The following CD33 variants were observed in gnomAD, a reference collection of about 807,000 sequenced individuals.
CD33 encodes the protein CD33 molecule.
Under a neutral mutation model 31.4 loss-of-function variants are expected in CD33, and 25 were observed. The observed-to-expected ratio is 0.80, with a 90% CI of 0.58 to 1.11. The LOEUF (loss-of-function observed/expected upper bound fraction) is 1.11, where lower values mean the gene tolerates loss of function less well. Among genes scored for constraint, CD33 ranks in the 50% most tolerant of loss-of-function variants. The pLI is 0.00. For synonymous variants in CD33, 176 were observed against 180.6 expected (o/e 0.97, Z 0.20); for missense variants, 407 against 448.1 (o/e 0.91, Z 0.83).
the CD33 span, chr19:51,211,583 T>G: frequency 1.3e-6 from 2 of 1,505,504 alleles, no homozygotes; most frequent in Non-Finnish European, 1.8e-6. Context: ...TCTGTGCATG[T>G]GACAGGTGAG....
chr19:51,223,180 G>A (rs114908382), upstream of CD33, among the ~76,000 whole-genome samples: 539 of 151,878 alleles, frequency 3.5e-3, no homozygotes, highest in African/African-American at 0.011. Flanking sequence ...TGGTCAGGCC[G>A]GTGCACTCCA....
chr19:51,211,683 G>C, the CD33 span: 1 of 979,784 alleles, frequency 1.0e-6, no homozygotes, highest in Admixed American at 2.3e-5. Flanking sequence ...AGGGGGTTGG[G>C]AATGAAGCCT....
At position 51,235,402 on chromosome 19, in the gene CD33, G is replaced by A; in HGVS notation, c.842+149G>A. 5.8e-6 allele frequency: 7 copies of A among 1,215,868 alleles called. No homozygotes were observed. The South Asian group carries it at 1.0e-4, about 18-fold the overall frequency. 75.3% of individuals were successfully genotyped at this position (1,215,868 alleles called of 1,614,324 possible). A position where few individuals can be genotyped will look rare whatever the true frequency, so the allele number is the denominator to read the frequency against. On this transcript the variant is annotated intron_variant, in intron 5 of 6. Coordinates refer to ENST00000262262, the MANE Select transcript of CD33 (RefSeq NM_001772.4). ...AGCCTGTGGCCACTGGGATAGGCGT[G>A]GGTCTATTCCAGGGCCCTGATCTCA...
Position 51,225,536 on chromosome 19 carries a change from G to A in CD33, c.356G>A (p.Arg119Gln), listed in dbSNP as rs377323798. The A allele has an allele frequency of 4.4e-5, 71 of 1,598,626 alleles. No individual in the cohort carries two copies. Among genetic ancestry groups the A allele is most frequent in the South Asian group, 5.6e-5 (5 of 88,554 alleles). The change falls in exon 2 of 7, where the codon CGG becomes CAG. Residue 119 changes from arginine to glutamine, a missense_variant. Coordinates refer to ENST00000262262, the MANE Select transcript of CD33 (RefSeq NM_001772.4). ...RRRDNGSYFF[R>Q]MERGSTKYSY... ...AGGGATAATGGTTCATACTTCTTTC[G>A]GATGGAGAGAGGAAGTACCAAATAC...
At chr19:51,222,348 A>G (rs1238190714), upstream of CD33, among the ~76,000 whole-genome samples, 1 of 152,202 alleles carries the variant, frequency 6.6e-6, no homozygotes, top group East Asian at 1.9e-4. Flanking sequence ...ATTCCTACTA[A>G]GGTTAAACTT....
chr19:51,215,338 A>T, the CD33 span, among the ~76,000 whole-genome samples: 3 of 152,172 alleles, frequency 2.0e-5, no homozygotes, highest in African/African-American at 7.2e-5. Flanking sequence ...TTCTGTTCTC[A>T]TAAAGAAGAT....
the CD33 span, among the ~76,000 whole-genome samples, chr19:51,216,553 C>A: frequency 1.3e-5 from 2 of 151,194 alleles, no homozygotes; most frequent in South Asian, 2.1e-4. Flanking sequence ...TACTAAAAAT[C>A]AAAAATTAGG....
At chr19:51,214,515 GATGTATAGCCTA>G in the CD33 span, among the ~76,000 whole-genome samples, 1 of 152,150 alleles carries the variant, frequency 6.6e-6, no homozygotes, top group African/African-American at 2.4e-5. Flanking sequence ...TTATTTAAAA[GATGTATAGCCTA>G]ATAGTGAGTG....
upstream of CD33, among the ~76,000 whole-genome samples, chr19:51,224,726 C>T (rs10405012): frequency 6.1e-3 from 925 of 152,206 alleles, 14 homozygotes; most frequent in African/African-American, 0.021. Flanking sequence ...GGTGAGGCTG[C>T]GACTCGGGCC....
chr19:51,239,997 G>A lies in CD33; in HGVS notation c.*309G>A. 5.0e-6 allele frequency: 1 copy of A among 198,732 alleles called. No homozygotes were observed. The highest frequency in any genetic ancestry group is 1.0e-5 in the Non-Finnish European group (1 of 99,530). 12.3% of individuals were successfully genotyped at this position (198,732 alleles called of 1,614,324 possible). A position where few individuals can be genotyped will look rare whatever the true frequency, so the allele number is the denominator to read the frequency against. On this transcript the variant is annotated 3_prime_UTR_variant, in exon 7 of 7. Transcript: ENST00000262262. The stretch of plus-strand genomic sequence containing the variant: ...AGGGATGCTGTGAGCATTAAATAAA[G>A]GTACACATGGAAAACACCAGTCCTG...
At position 51,239,757 on chromosome 19, in the gene CD33, A is replaced by G; in HGVS notation, c.*69A>G. The G allele has an allele frequency of 7.5e-7, 1 of 1,324,542 alleles. No individual in the cohort carries two copies. The highest frequency in any genetic ancestry group is 1.0e-6 in the Non-Finnish European group (1 of 962,348). 82.0% of individuals were successfully genotyped at this position (1,324,542 alleles called of 1,614,324 possible). On this transcript the variant is annotated 3_prime_UTR_variant, in exon 7 of 7. Transcript: ENST00000262262. ...TCTACAGGTCGGGGACCAAAGGCTG[A>G]TTCTTGGAGATTTAACACCCCACAG...
At chr19:51,220,554 G>A (rs1360366008), upstream of CD33, among the ~76,000 whole-genome samples, 1 of 152,086 alleles carries the variant, frequency 6.6e-6, no homozygotes, top group African/African-American at 2.4e-5. Context: ...TCTCTTATCA[G>A]GACTCTTGTA....
chr19:51,211,343 G>A, the CD33 span: 42 of 1,559,000 alleles, frequency 2.7e-5, no homozygotes, highest in African/African-American at 4.1e-4. Context: ...TCAGTTCATG[G>A]TTACTGGTTC....
intron 4 of CD33, among the ~76,000 whole-genome samples, chr19:51,231,414 C>T (rs545397109): frequency 2.6e-5 from 4 of 152,258 alleles, no homozygotes; most frequent in Non-Finnish European, 5.9e-5. Flanking sequence ...ATCACCCCAA[C>T]AAGCTGAGTC....
In CD33 at chr19:51,235,594, G is replaced by A; in HGVS notation, c.843-1G>A. On this transcript the variant is annotated splice_acceptor_variant, in intron 5 of 6. Transcript: ENST00000262262. LOFTEE classifies it high-confidence loss of function. ...TCAAAGACCCTGGTGTCTCCCATCA[G>A]AGTGAAGACCCACAGGAGGAAAGCA... The A allele has an allele frequency of 6.2e-7, 1 of 1,613,406 alleles. No individual in the cohort carries two copies. The highest frequency in any genetic ancestry group is 8.5e-7 in the Non-Finnish European group (1 of 1,179,700).
chr19:51,216,544 A>C, the CD33 span, among the ~76,000 whole-genome samples: 9 of 151,942 alleles, frequency 5.9e-5, no homozygotes, highest in Non-Finnish European at 1.2e-4. Flanking sequence ...CCCCATCTCT[A>C]CTAAAAATCA....
At position 51,226,367 on chromosome 19, in the gene CD33, G is replaced by T. The variant is rs766616161; in HGVS notation, c.745+11G>T. 2.0e-5 allele frequency: 32 copies of T among 1,612,102 alleles called. 1 individual carries two copies. The East Asian group carries it at 6.0e-4, about 30-fold the overall frequency. On this transcript the variant is annotated intron_variant, in intron 4 of 6. Coordinates refer to ENST00000262262, the MANE Select transcript of CD33 (RefSeq NM_001772.4). ...CAGGAGATGGCTCAGGTAGGAAGGA[G>T]CCTCCCCGCCTGGGGCTGTTACTGA...
intron 4 of CD33, among the ~76,000 whole-genome samples, chr19:51,232,197 GTTT>G (rs778059704): frequency 2.0e-4 from 30 of 152,148 alleles, no homozygotes; most frequent in Admixed American, 5.9e-4. Flanking sequence ...TGACTGTTAA[GTTT>G]TTTATCTTTC....
intron 6 of CD33, chr19:51,237,761 A>G (rs1022963547): frequency 1.3e-5 from 2 of 152,240 alleles, no homozygotes; most frequent in African/African-American, 4.8e-5. Context: ...CGTTTAGAGC[A>G]GAAGAGTGAC....
Sources: gnomAD v4.1 joint callset for allele counts (sites outside exome capture counted in the v4.1 genomes callset) on GRCh38, gnomAD v4.1.1 for gene constraint, MANE v1.5 for transcripts, NCBI Gene and HGNC (gene_info 2026-07-23, HGNC 2026-07-21) for gene names.